The following FREM1 variants were observed in gnomAD, a reference collection of about 807,000 sequenced individuals.
FREM1 encodes FRAS1 related extracellular matrix 1, also known as FRAS1-related extracellular matrix protein 1.
FREM1 carries 220 observed loss-of-function variants against 210.1 expected under a neutral mutation model. The ratio of observed to expected loss-of-function variants is 1.05; its 90% CI spans 0.94 to 1.17. The LOEUF (loss-of-function observed/expected upper bound fraction) is 1.17, where lower values mean the gene tolerates loss of function less well. Ranked by LOEUF, FREM1 falls within the 50% of genes most tolerant of loss-of-function variation. The pLI, the probability that FREM1 is intolerant of heterozygous loss-of-function variation, is 0.00. For missense variants in FREM1, 3,454 were observed against 2,675.5 expected (o/e 1.29, Z -6.42); for synonymous variants, 1,189 against 980.2 (o/e 1.21, Z -3.98).
At chr9:14,811,594 T>G (rs1303289090) in intron 16 of FREM1, among the ~76,000 whole-genome samples, 1 of 152,086 alleles carries the variant, frequency 6.6e-6, no homozygotes, top group Non-Finnish European at 1.5e-5. Flanking sequence ...TAAACACAGA[T>G]AAGAGGATAG....
chr9:14,860,807 A>ATGAG (rs1564101929), intron 3 of FREM1, among the ~76,000 whole-genome samples: 4 of 120,018 alleles, frequency 3.3e-5, no homozygotes, highest in African/African-American at 1.3e-4. Context: ...ACACATATAT[A>ATGAG]CATATATACA....
At chr9:14,738,732 G>A (rs114385240) in intron 36 of FREM1, among the ~76,000 whole-genome samples, 6,065 of 152,130 alleles carry the variant, frequency 0.04, 328 homozygotes, top group African/African-American at 0.12. Flanking sequence ...TCATTTGGCC[G>A]GGTGCGGTGG....
intron 21 of FREM1, among the ~76,000 whole-genome samples, chr9:14,795,169 T>C (rs1460657919): frequency 6.6e-6 from 1 of 152,184 alleles, no homozygotes; most frequent in Non-Finnish European, 1.5e-5. Flanking sequence ...ATAATAACAA[T>C]AACACTTAGT....
At chr9:14,847,090 T>A (rs1219872484) in intron 7 of FREM1, among the ~76,000 whole-genome samples, 1 of 152,070 alleles carries the variant, frequency 6.6e-6, no homozygotes, top group African/African-American at 2.4e-5. Flanking sequence ...GCCAGTGAAG[T>A]AAACTTTAAC....
At chr9:14,891,552 C>A (rs994143221) in intron 1 of FREM1, among the ~76,000 whole-genome samples, 3 of 152,142 alleles carry the variant, frequency 2.0e-5, no homozygotes, top group Non-Finnish European at 4.4e-5. Context: ...CACAGCAAGA[C>A]CCTGCCTCAG....
At position 14,806,733 on chromosome 9, in the gene FREM1, G is replaced by A; in HGVS notation, c.3202C>T (p.Pro1068Ser). 1.9e-6 allele frequency: 3 copies of A among 1,604,754 alleles called. No individual in the cohort carries two copies. Among genetic ancestry groups the A allele is most frequent in the South Asian group, 1.1e-5 (1 of 88,680 alleles). ...ATATTTTCGAGGTAGCCAAACTGAG[G>A]AGGAGAAACCAAAACAAATTCCAAG... Reference protein sequence around the residue: ...DDLEFVLVSPPQFGYLENILP... With the variant: ...DDLEFVLVSPSQFGYLENILP... The change falls in exon 18 of 37, where the codon CCT becomes TCT. Residue 1068 changes from proline to serine, a missense_variant. By Grantham distance (74) the Pro-to-Ser change is moderately conservative. Transcript: ENST00000380880.
intron 22 of FREM1, among the ~76,000 whole-genome samples, chr9:14,790,377 G>A (rs894553710): frequency 6.6e-6 from 1 of 152,102 alleles, no homozygotes; most frequent in African/African-American, 2.4e-5. Context: ...CTCACTGGAT[G>A]GAAGTTAATT....
At chr9:14,844,225 C>CT (rs35686371) in intron 8 of FREM1, among the ~76,000 whole-genome samples, 22,671 of 138,668 alleles carry the variant, frequency 0.16, 2,354 homozygotes, top group Non-Finnish European at 0.24. Flanking sequence ...ACAACTCTTC[C>CT]TTTTTTTTTT....
At chr9:14,773,993 G>A (rs67935055) in intron 25 of FREM1, 56,159 of 467,298 alleles carry the variant, frequency 0.12, 3,549 homozygotes, top group Admixed American at 0.14. Flanking sequence ...ACTGAAAAGG[G>A]AAAGTGACTA....
At chr9:14,868,134 A>G (rs1831888184) in intron 2 of FREM1, among the ~76,000 whole-genome samples, 1 of 152,220 alleles carries the variant, frequency 6.6e-6, no homozygotes, top group Non-Finnish European at 1.5e-5. Flanking sequence ...AGTGATGTTA[A>G]TAGATGAAAC....
At chr9:14,822,659 T>A (rs1241121918) in intron 13 of FREM1, among the ~76,000 whole-genome samples, 1 of 152,192 alleles carries the variant, frequency 6.6e-6, no homozygotes, top group African/African-American at 2.4e-5. Flanking sequence ...CCTTTGTAGT[T>A]CGGTTTTAAT....
intron 35 of FREM1, among the ~76,000 whole-genome samples, chr9:14,745,100 G>C (rs1908302): frequency 0.44 from 66,119 of 151,874 alleles, 14,754 homozygotes; most frequent in African/African-American, 0.5. Flanking sequence ...ACAACGCACA[G>C]TGGGGTCTAT....
rs559491087 is a variant in FREM1 at position 14,863,201 on chromosome 9, C to A, written c.329+608G>T. On this transcript the variant is annotated intron_variant, in intron 3 of 36. Transcript: ENST00000380880. The stretch of plus-strand genomic sequence containing the variant: ...CTAAAAATACAACAAATTAGCCGGG[C>A]GTAGTGGTGGGCGCCTGTAGTCCCA... Among the ~76,000 whole-genome samples the A allele has an allele frequency of 1.8e-4, 27 of 151,754 alleles. No homozygotes were observed. In the East Asian group the frequency reaches 4.9e-3, roughly 27 times the overall value.
At chr9:14,837,657 C>T (rs539787044) in intron 10 of FREM1, among the ~76,000 whole-genome samples, 2 of 152,068 alleles carry the variant, frequency 1.3e-5, no homozygotes, top group East Asian at 3.9e-4. Context: ...CTCACTGATC[C>T]ACACTATGGC....
chr9:14,757,043 C>T (rs947356708), intron 28 of FREM1, among the ~76,000 whole-genome samples: 1 of 150,140 alleles, frequency 6.7e-6, no homozygotes, highest in Non-Finnish European at 1.5e-5. Flanking sequence ...GGTGAACAAC[C>T]AGACAAAGGA....
At chr9:14,737,725 A>G (rs1269636250) in intron 36 of FREM1, 130 bp from the exon 37 acceptor site, 1 of 658,372 alleles carries the variant, frequency 1.5e-6, no homozygotes, top group Non-Finnish European at 2.4e-6. Context: ...AGGGATAGGA[A>G]CTTGGAATAC....
intron 1 of FREM1, among the ~76,000 whole-genome samples, chr9:14,908,242 T>C (rs1026846937): frequency 6.6e-6 from 1 of 152,214 alleles, no homozygotes; most frequent in Non-Finnish European, 1.5e-5. Flanking sequence ...TTCTCATCCC[T>C]GTGGGATGGT....
chr9:14,743,013 A>C (rs538501922), intron 35 of FREM1, among the ~76,000 whole-genome samples: 29 of 152,224 alleles, frequency 1.9e-4, no homozygotes, highest in African/African-American at 7.0e-4. Context: ...TAAACTGTAG[A>C]TAAGAGAAGT....
chr9:14,886,483 C>T (rs549695758), intron 1 of FREM1, among the ~76,000 whole-genome samples: 1 of 151,636 alleles, frequency 6.6e-6, no homozygotes, highest in Non-Finnish European at 1.5e-5. Flanking sequence ...TGAACCCACC[C>T]AAACGGAAGA....
Sources: gnomAD v4.1 joint callset for allele counts (sites outside exome capture counted in the v4.1 genomes callset) on GRCh38, gnomAD v4.1.1 for gene constraint, MANE v1.5 for transcripts, NCBI Gene and HGNC (gene_info 2026-07-23, HGNC 2026-07-21) for gene names.